STARD7: variants seen among roughly 807,000 people sequenced by gnomAD.
STARD7 encodes StAR related lipid transfer domain containing 7, also known as stAR-related lipid transfer protein 7, mitochondrial.
A neutral mutation model predicts 45.3 loss-of-function variants in STARD7; 30 were observed. That is an observed-to-expected ratio of 0.66 (90% confidence interval 0.50 to 0.90). The LOEUF is 0.90. STARD7 is among the 40% of genes least tolerant of loss of function. STARD7 has a pLI of 0.00. For missense variants in STARD7, 495 were observed against 491.3 expected, an observed-to-expected ratio of 1.01 and a Z score of -0.07; for synonymous variants, 199 against 183.0, an observed-to-expected ratio of 1.09 and a Z score of -0.70.
At chr2:96,186,972 T>C (rs1035253657) in intron 7 of STARD7, 58 bp from the exon 8 acceptor site, 1 of 1,480,376 alleles carries the variant, frequency 6.8e-7, no homozygotes, top group Non-Finnish European at 9.2e-7. Context: ...AGGCTCAAAA[T>C]GAGAAGACCC....
rs754329374 is a variant in STARD7 at position 96,186,787 on chromosome 2, C to T, written c.1056G>A (p.Gln352=). 6.2e-7 allele frequency: 1 copy of T among 1,613,936 alleles called. No individual in the cohort carries two copies. The highest frequency in any genetic ancestry group is 2.2e-5 in the East Asian group (1 of 44,882). The change falls in exon 8 of 8, where the codon CAG becomes CAA. Residue 352 remains glutamine, a synonymous_variant. Coordinates refer to ENST00000337288, the MANE Select transcript of STARD7 (RefSeq NM_020151.4). ...EMSSEAKATS[Q]SSERKNEGSC... is the part of the protein sequence containing the mutation. ...TGCCCTCGTTCTTTCGCTCAGAGGA[C>T]TGGCTGGTGGCCTTGGCTTCACTAC...
At chr2:96,189,952 A>AG (rs1683101002) in intron 6 of STARD7, among the ~76,000 whole-genome samples, 1 of 152,172 alleles carries the variant, frequency 6.6e-6, no homozygotes, top group Non-Finnish European at 1.5e-5. Flanking sequence ...TAAAAGTATT[A>AG]GTATATACTT....
At chr2:96,192,946 A>G in intron 5 of STARD7, 132 bp downstream of exon 5, 1 of 678,856 alleles carries the variant, frequency 1.5e-6, no homozygotes, top group South Asian at 1.7e-5. Flanking sequence ...TTCTAGCTGG[A>G]TGGAAGGGGC....
chr2:96,187,349 C>A (rs1239548933), intron 6 of STARD7, 48 bp from the exon 7 acceptor site: 1 of 1,158,488 alleles, frequency 8.6e-7, no homozygotes, highest in South Asian at 1.2e-5. Flanking sequence ...TCACCAACCA[C>A]AACCTCCATA....
chr2:96,195,640 A>G (rs1362666526), intron 1 of STARD7, 91 bp from the exon 2 acceptor site: 1 of 867,188 alleles, frequency 1.2e-6, no homozygotes, highest in Admixed American at 2.2e-5. Flanking sequence ...AAGGTTATAC[A>G]GTAAACCACA....
chr2:96,201,409 T>TTAAAAAAAAAAAAAAAAAAA (rs767370060), intron 1 of STARD7, among the ~76,000 whole-genome samples: 1 of 109,622 alleles, frequency 9.1e-6, no homozygotes, highest in East Asian at 3.1e-4. Context: ...ACTCCACCTC[T>TTAAAAAAAAAAAAAAAAAAA]AAAAAAAAAA....
At chr2:96,189,783 CT>C (rs1683098073) in intron 6 of STARD7, among the ~76,000 whole-genome samples, 1 of 150,970 alleles carries the variant, frequency 6.6e-6, no homozygotes, top group Non-Finnish European at 1.5e-5. Flanking sequence ...AAATTTTATT[CT>C]TCGTATTATT....
Position 96,185,360 on chromosome 2 carries a change from A to G in STARD7, c.*1370T>C, listed in dbSNP as rs1477126539. The G allele has an allele frequency of 1.3e-5, 2 of 152,470 alleles. No homozygotes were observed. The highest frequency in any genetic ancestry group is 2.4e-5 in the African/African-American group (1 of 41,442). The allele number at this position is 152,470 out of a possible 1,614,324, so 9.4% of individuals were successfully genotyped here. A position where few individuals can be genotyped will look rare whatever the true frequency, so the allele number is the denominator to read the frequency against. On this transcript the variant is annotated 3_prime_UTR_variant, in exon 8 of 8. Transcript: ENST00000337288. ...GTTTAAACCACTTTTCAACACCACAAAACAGTAGCAAGCAGGAAAACAAAA... is the reference window on the plus strand; with the variant it reads ...GTTTAAACCACTTTTCAACACCACAGAACAGTAGCAAGCAGGAAAACAAAA...
chr2:96,198,453 A>G (rs1683257856), intron 1 of STARD7, among the ~76,000 whole-genome samples: 1 of 152,246 alleles, frequency 6.6e-6, no homozygotes, highest in South Asian at 2.1e-4. Context: ...CTTTTTAAGC[A>G]ACTGCCAAAA....
chr2:96,193,800 C>G (rs1683162666), intron 3 of STARD7, among the ~76,000 whole-genome samples: 1 of 152,202 alleles, frequency 6.6e-6, no homozygotes, highest in Non-Finnish European at 1.5e-5. Flanking sequence ...CAACTTAAGA[C>G]AGATATACCA....
chr2:96,192,823 G>A (rs1272002719), intron 5 of STARD7, among the ~76,000 whole-genome samples: 1 of 152,072 alleles, frequency 6.6e-6, no homozygotes, highest in Non-Finnish European at 1.5e-5. Flanking sequence ...ACTAGGCTGT[G>A]GGTCAAAAAC....
At position 96,185,958 on chromosome 2, in the gene STARD7, G is replaced by C. The variant is rs1683029279; in HGVS notation, c.*772C>G. 6.6e-6 allele frequency: 1 copy of C among 152,152 alleles called. No homozygotes were observed. Among genetic ancestry groups the C allele is most frequent in the Non-Finnish European group, 1.5e-5 (1 of 68,030 alleles). 9.4% of individuals were successfully genotyped at this position (152,152 alleles called of 1,614,324 possible). A position where few individuals can be genotyped will look rare whatever the true frequency, so the allele number is the denominator to read the frequency against. The stretch of plus-strand genomic sequence containing the variant: ...TCTCCCAGTGTTCTTGGTAAATGGG[G>C]AAGGTTAGGAAGGAGGCAATGATCC... On this transcript the variant is annotated 3_prime_UTR_variant, in exon 8 of 8. Coordinates refer to ENST00000337288, the MANE Select transcript of STARD7 (RefSeq NM_020151.4).
At chr2:96,194,206 A>C (rs1347222047) in intron 3 of STARD7, among the ~76,000 whole-genome samples, 1 of 152,110 alleles carries the variant, frequency 6.6e-6, no homozygotes, top group Admixed American at 6.6e-5. Context: ...AGAAAAAAAA[A>C]TTTTAATTAG....
chr2:96,191,652 T>C (rs952995936), intron 6 of STARD7, among the ~76,000 whole-genome samples: 1 of 146,050 alleles, frequency 6.8e-6, no homozygotes, highest in Non-Finnish European at 1.5e-5. Flanking sequence ...TCCAGTGTAC[T>C]TTTTTTTTTG....
rs1438751407 is a variant in STARD7, at chr2:96,197,064, C to CACAAAACAAAACAAAACAAA, written c.291-1516_291-1515insTTTGTTTTGTTTTGTTTTGT. On this transcript the variant is annotated intron_variant, in intron 1 of 7. Coordinates refer to ENST00000337288, the MANE Select transcript of STARD7 (RefSeq NM_020151.4). ...CTGGGCAACAAGAGCGAAACTCCGTCTCAAAATAAAATAAAATAAAATAAA... is the reference window on the plus strand; with the variant it reads ...CTGGGCAACAAGAGCGAAACTCCGTCACAAAACAAAACAAAACAAATCAAAATAAAATAAAATAAAATAAA... Among the ~76,000 whole-genome samples, 15 of 54,324 alleles carry CACAAAACAAAACAAAACAAA rather than the reference C, an allele frequency of 2.8e-4. 1 individual carries two copies. The highest frequency in any genetic ancestry group is 5.4e-4 in the Non-Finnish European group (13 of 23,962). The allele number at this position is 54,324 out of a possible 152,430, so 35.6% of individuals were successfully genotyped here.
intron 6 of STARD7, chr2:96,188,266 CTTTTTTTTTTT>C (rs138935587): frequency 7.0e-5 from 4 of 56,790 alleles, no homozygotes; most frequent in South Asian, 2.1e-3. Flanking sequence ...CAGACCAAGA[CTTTTTTTTTTT>C]TTTTTTTTTT....
At chr2:96,200,554 G>C (rs983915292) in intron 1 of STARD7, among the ~76,000 whole-genome samples, 33 of 152,094 alleles carry the variant, frequency 2.2e-4, no homozygotes, top group Non-Finnish European at 1.5e-4. Context: ...GGAACCCTAA[G>C]TATACTTGTA....
At chr2:96,197,647 C>T (rs1049004877) in intron 1 of STARD7, among the ~76,000 whole-genome samples, 1 of 152,116 alleles carries the variant, frequency 6.6e-6, no homozygotes, top group Non-Finnish European at 1.5e-5. Flanking sequence ...TTAGTATATT[C>T]ACAAGGTTGT....
Position 96,186,785 on chromosome 2 carries a change from G to C in STARD7, c.1058C>G (p.Ser353Cys). 1 of 1,613,896 alleles carries C rather than the reference G, an allele frequency of 6.2e-7. No individual in the cohort carries two copies. Among genetic ancestry groups the C allele is most frequent in the African/African-American group, 1.3e-5 (1 of 75,048 alleles). Residue 353 changes from serine to cysteine, a missense_variant, in exon 8 of 8, where the codon TCC becomes TGC. Physicochemically the swap from Ser to Cys is moderately radical, Grantham distance 112. This residue lies in a region of STARD7 where 213 missense variants were observed against 271.2 expected (regional missense o/e 0.79). Coordinates refer to ENST00000337288, the MANE Select transcript of STARD7 (RefSeq NM_020151.4). ...GCTGCCCTCGTTCTTTCGCTCAGAGGACTGGCTGGTGGCCTTGGCTTCACT... is the reference window on the plus strand; with the variant it reads ...GCTGCCCTCGTTCTTTCGCTCAGAGCACTGGCTGGTGGCCTTGGCTTCACT... ...MSSEAKATSQ[S>C]SERKNEGSCG...
Sources: allele counts gnomAD v4.1 joint callset (sites outside exome capture counted in the v4.1 genomes callset), GRCh38; gene constraint gnomAD v4.1.1; regional missense constraint gnomAD v4.1.1; transcripts MANE v1.5; gene names NCBI Gene and HGNC (gene_info 2026-07-23, HGNC 2026-07-21).